GLG1: variants seen among roughly 807,000 people sequenced by gnomAD.
GLG1 encodes the protein Golgi apparatus protein 1.
In GLG1, 38 loss-of-function variants were observed where a neutral mutation model predicts 160.5. That is an observed-to-expected ratio of 0.24 (90% CI 0.18 to 0.31). The LOEUF (loss-of-function observed/expected upper bound fraction) is 0.31. Ranked by LOEUF, GLG1 falls within the 10% of genes least tolerant of loss-of-function variation. The pLI, the probability that GLG1 is intolerant of heterozygous loss-of-function variation, is 1.00. For missense variants in GLG1, 1,373 were observed against 1,505.2 expected (o/e 0.91, Z 1.45); for synonymous variants, 644 against 543.4 (o/e 1.19, Z -2.57).
At chr16:74,469,169 G>T (rs893644574) in intron 16 of GLG1, 106 bp from the exon 17 acceptor site, 1 of 746,944 alleles carries the variant, frequency 1.3e-6, no homozygotes, top group Non-Finnish European at 2.4e-6. Flanking sequence ...GATGCCCTTT[G>T]GGGGAATGTC....
At chr16:74,453,452 A>G (rs539965305) in intron 25 of GLG1, 118 bp from the exon 26 acceptor site, 2 of 647,544 alleles carry the variant, frequency 3.1e-6, no homozygotes, top group African/African-American at 3.7e-5. Flanking sequence ...TTGGAGAGGG[A>G]GGGCAGGAGA....
intron 1 of GLG1, among the ~76,000 whole-genome samples, chr16:74,589,245 ACT>A (rs1186509808): frequency 2.1e-4 from 28 of 131,654 alleles, no homozygotes; most frequent in South Asian, 5.5e-4. Flanking sequence ...AAAGAGTGAA[ACT>A]CTCTGTCTCA....
Position 74,474,655 on chromosome 16 carries a change from C to A in GLG1, c.1966-23G>T. ...CTCCTGCAAATATAAAGGCAAGCCACTGGCATTTATCAGTCACATACATGA... is the reference window on the plus strand; with the variant it reads ...CTCCTGCAAATATAAAGGCAAGCCAATGGCATTTATCAGTCACATACATGA... On this transcript the variant is annotated intron_variant, in intron 12 of 25. Coordinates refer to ENST00000422840, the MANE Select transcript of GLG1 (RefSeq NM_001145667.2). The A allele has an allele frequency of 5.2e-6, 6 of 1,153,564 alleles. No individual in the cohort carries two copies. In the Middle Eastern group the frequency reaches 5.8e-4, roughly 112 times the overall value. The allele number at this position is 1,153,564 out of a possible 1,614,324, so 71.5% of individuals were successfully genotyped here.
chr16:74,495,334 G>C (rs1342547507), intron 5 of GLG1, among the ~76,000 whole-genome samples: 2 of 152,068 alleles, frequency 1.3e-5, no homozygotes, highest in African/African-American at 4.8e-5. Flanking sequence ...GGCTGGTCTC[G>C]AACTCCTGAC....
intron 1 of GLG1, among the ~76,000 whole-genome samples, chr16:74,540,802 T>C (rs1041548213): frequency 2.6e-5 from 4 of 152,110 alleles, no homozygotes; most frequent in African/African-American, 9.7e-5. Flanking sequence ...GGGAAGAACC[T>C]TGGACAGGTT....
In GLG1 at chr16:74,449,352, A is replaced by G. The variant is rs1307052187; in HGVS notation, c.*3815T>C. The stretch of plus-strand genomic sequence containing the variant: ...CACCACAGGCCTGGAGGATGGGAGG[A>G]TAGGAGACACTTCCAGAAGCCACAC... On this transcript the variant is annotated 3_prime_UTR_variant, in exon 26 of 26. Coordinates refer to ENST00000422840, the MANE Select transcript of GLG1 (RefSeq NM_001145667.2). 6.6e-6 allele frequency: 1 copy of G among 152,154 alleles called. No homozygotes were observed. The highest frequency in any genetic ancestry group is 1.5e-5 in the Non-Finnish European group (1 of 68,046). The allele number at this position is 152,154 out of a possible 1,614,324, so 9.4% of individuals were successfully genotyped here.
At chr16:74,576,299 T>C (rs954022175) in intron 1 of GLG1, among the ~76,000 whole-genome samples, 1 of 152,134 alleles carries the variant, frequency 6.6e-6, no homozygotes, top group African/African-American at 2.4e-5. Flanking sequence ...ACTGACAAAT[T>C]CCGTGAATTT....
chr16:74,502,605 G>A (rs973041059), intron 4 of GLG1, among the ~76,000 whole-genome samples: 3 of 151,088 alleles, frequency 2.0e-5, no homozygotes, highest in Admixed American at 6.6e-5. Context: ...GTGCAGTGGC[G>A]CGATCTCGGC....
At chr16:74,525,413 G>C (rs747657986) in intron 2 of GLG1, among the ~76,000 whole-genome samples, 6 of 152,114 alleles carry the variant, frequency 3.9e-5, no homozygotes, top group Non-Finnish European at 5.9e-5. Flanking sequence ...GTCTCACTAT[G>C]TTGCCCAGGC....
chr16:74,579,653 C>T (rs545306959), intron 1 of GLG1, among the ~76,000 whole-genome samples: 2 of 150,686 alleles, frequency 1.3e-5, no homozygotes, highest in Admixed American at 6.6e-5. Context: ...ACCAGGGAGG[C>T]GGAGGTTGCA....
At chr16:74,554,293 C>G (rs1032674162) in intron 1 of GLG1, among the ~76,000 whole-genome samples, 36 of 151,578 alleles carry the variant, frequency 2.4e-4, no homozygotes, top group African/African-American at 6.8e-4. Context: ...CAGAACTTTG[C>G]GGGGCCGAGG....
At chr16:74,528,811 C>CCAAA (rs1555513290) in intron 2 of GLG1, among the ~76,000 whole-genome samples, 2 of 62,794 alleles carry the variant, frequency 3.2e-5, no homozygotes, top group Non-Finnish European at 5.2e-5. Context: ...GATTCTGTCT[C>CCAAA]AAAAAAAAAA....
At chr16:74,592,210 T>C (rs768346916) in intron 1 of GLG1, among the ~76,000 whole-genome samples, 5 of 152,216 alleles carry the variant, frequency 3.3e-5, no homozygotes, top group Non-Finnish European at 7.3e-5. Context: ...TAGAGCGATC[T>C]TGGCTCACTG....
In GLG1 at chr16:74,480,218, T is replaced by C. The variant is rs756690772; in HGVS notation, c.1827+23A>G. On this transcript the variant is annotated intron_variant, in intron 11 of 25. Coordinates refer to ENST00000422840, the MANE Select transcript of GLG1 (RefSeq NM_001145667.2). ...AAAAACAAATGACAAGAAGAAGAAATGAAGTCGATATTCACTGCATACCCT... is the reference window on the plus strand; with the variant it reads ...AAAAACAAATGACAAGAAGAAGAAACGAAGTCGATATTCACTGCATACCCT... 7 of 1,562,334 alleles carry C rather than the reference T, an allele frequency of 4.5e-6. No individual in the cohort carries two copies. In the Admixed American group the frequency reaches 8.5e-5, roughly 19 times the overall value.
chr16:74,477,897 C>T (rs190242967), intron 11 of GLG1, among the ~76,000 whole-genome samples: 4 of 151,632 alleles, frequency 2.6e-5, no homozygotes, highest in African/African-American at 7.3e-5. Flanking sequence ...CGCTTGAACC[C>T]GGGAGGTGGA....
intron 1 of GLG1, among the ~76,000 whole-genome samples, chr16:74,550,141 G>A (rs1237924627): frequency 6.6e-6 from 1 of 151,700 alleles, no homozygotes; most frequent in African/African-American, 2.4e-5. Flanking sequence ...AAAAGAAAGG[G>A]CACAGTGGTG....
chr16:74,477,269 GAAC>G (rs1457218429), intron 12 of GLG1, 124 bp downstream of exon 12: 5 of 787,980 alleles, frequency 6.3e-6, no homozygotes, highest in Middle Eastern at 2.3e-4. Flanking sequence ...AGAAAATATT[GAAC>G]AATACAACAA....
At chr16:74,587,377 A>T (rs1958077623) in intron 1 of GLG1, among the ~76,000 whole-genome samples, 2 of 152,224 alleles carry the variant, frequency 1.3e-5, no homozygotes, top group Non-Finnish European at 2.9e-5. Flanking sequence ...GAAAGATTTG[A>T]ATAGTGGAAC....
intron 1 of GLG1, among the ~76,000 whole-genome samples, chr16:74,550,974 CTG>C (rs2018183405): frequency 6.6e-6 from 1 of 152,134 alleles, no homozygotes; most frequent in Admixed American, 6.5e-5. Context: ...GATCTAATGT[CTG>C]AAGTTAGAGC....
Sources: gnomAD v4.1 joint callset for allele counts (sites outside exome capture counted in the v4.1 genomes callset) on GRCh38, gnomAD v4.1.1 for gene constraint, MANE v1.5 for transcripts, NCBI Gene and HGNC (gene_info 2026-07-23, HGNC 2026-07-21) for gene names.